ACKR2: variants seen among roughly 807,000 people sequenced by gnomAD.
The protein encoded by ACKR2 is atypical chemokine receptor 2.
For synonymous variants in ACKR2, 207 were observed against 192.2 expected (o/e 1.08, Z -0.64); for missense variants, 457 against 477.3 (o/e 0.96, Z 0.40).
intron 2 of ACKR2, among the ~76,000 whole-genome samples, chr3:42,845,705 C>T (rs1455297864): frequency 6.6e-6 from 1 of 151,858 alleles, no homozygotes; most frequent in Non-Finnish European, 1.5e-5. Context: ...AGAAATTGGT[C>T]AGGCATGGTG....
At position 42,865,394 on chromosome 3, in the gene ACKR2, G is replaced by A; in HGVS notation, c.892G>A (p.Glu298Lys). The change falls in exon 3 of 3, where the codon GAG becomes AAG. Residue 298 changes from glutamate to lysine, a missense_variant. Glu to Lys is a moderately conservative substitution (Grantham distance 56). Transcript: ENST00000422265. ...TCTAGACTACGCACTCCAGGTAACAGAGAGCATCGCCTTCCTTCACTGCTG... is the reference window on the plus strand; with the variant it reads ...TCTAGACTACGCACTCCAGGTAACAAAGAGCATCGCCTTCCTTCACTGCTG... ...QHLDYALQVT[E>K]SIAFLHCCFS... The A allele has an allele frequency of 6.2e-7, 1 of 1,613,508 alleles. No homozygotes were observed. Among genetic ancestry groups the A allele is most frequent in the South Asian group, 1.1e-5 (1 of 91,084 alleles).
chr3:42,854,023 A>G (rs183516198), intron 2 of ACKR2, among the ~76,000 whole-genome samples: 1 of 152,288 alleles, frequency 6.6e-6, no homozygotes, highest in East Asian at 1.9e-4. Context: ...GGACCTACAC[A>G]TGACCCTGTC....
At chr3:42,847,311 C>T (rs1249694433) in intron 2 of ACKR2, among the ~76,000 whole-genome samples, 1 of 152,106 alleles carries the variant, frequency 6.6e-6, no homozygotes, top group Non-Finnish European at 1.5e-5. Flanking sequence ...GTCTGAGTGG[C>T]CAGCGGGGGC....
chr3:42,835,016 G>A (rs532794175), intron 2 of ACKR2, among the ~76,000 whole-genome samples: 1 of 152,196 alleles, frequency 6.6e-6, no homozygotes, highest in Admixed American at 6.5e-5. Flanking sequence ...TTCCCGAGTA[G>A]CTGGAACTGC....
intron 2 of ACKR2, among the ~76,000 whole-genome samples, chr3:42,860,189 A>AAAAAACAAAAAAAAAC (rs376833790): frequency 2.7e-5 from 3 of 111,520 alleles, no homozygotes; most frequent in Admixed American, 1.3e-4. Context: ...AAAAAAAAAA[A>AAAAAACAAAAAAAAAC]GCAGGGGATG....
intron 2 of ACKR2, chr3:42,841,619 T>A (rs1255400449): frequency 6.6e-6 from 1 of 152,228 alleles, no homozygotes; most frequent in Non-Finnish European, 1.5e-5. Flanking sequence ...ATCACAGTGT[T>A]CAGCAGACAC....
Position 42,864,828 on chromosome 3 carries a change from A to G in ACKR2, c.326A>G (p.His109Arg), listed in dbSNP as rs1216589705. 3.7e-6 allele frequency: 6 copies of G among 1,614,104 alleles called. No homozygotes were observed. The highest frequency in any genetic ancestry group is 5.1e-6 in the Non-Finnish European group (6 of 1,180,020). ...TTCTGGGGCATCTCCGTGGCCTGGC[A>G]TTGGGTCTTCGGGAGTTTCTTGTGC... Reference protein sequence around the residue: ...LPFWGISVAWHWVFGSFLCKM... With the variant: ...LPFWGISVAWRWVFGSFLCKM... The change falls in exon 3 of 3, where the codon CAT (histidine) becomes CGT (arginine). Residue 109 changes from histidine to arginine, a missense_variant. Transcript: ENST00000422265.
At chr3:42,827,687 A>T (rs974751453) in intron 2 of ACKR2, among the ~76,000 whole-genome samples, 5 of 152,092 alleles carry the variant, frequency 3.3e-5, no homozygotes, top group Admixed American at 3.3e-4. Flanking sequence ...TTAAGACAAG[A>T]TTTGACCAAG....
At position 42,842,996 on chromosome 3, in the gene ACKR2, A is replaced by G. The variant is rs542082638; in HGVS notation, c.-37-21470A>G. On this transcript the variant is annotated intron_variant, in intron 2 of 2. Transcript: ENST00000422265. ...TAAGACTCTGTCTCCAAAAAAAAAA[A>G]AAAAAAAGAAAGAAATCAGTTAATG... Among the ~76,000 whole-genome samples, 765 of 151,292 alleles carry G rather than the reference A, an allele frequency of 5.1e-3. 14 individuals are homozygous for G. Among genetic ancestry groups the G allele is most frequent in the African/African-American group, 0.017 (703 of 41,296 alleles).
At chr3:42,861,759 A>G (rs1179638792) in intron 2 of ACKR2, among the ~76,000 whole-genome samples, 1 of 152,248 alleles carries the variant, frequency 6.6e-6, no homozygotes, top group Non-Finnish European at 1.5e-5. Flanking sequence ...ACCAATGACA[A>G]AAACCACATT....
intron 1 of ACKR2, among the ~76,000 whole-genome samples, chr3:42,814,729 C>A (rs1700731551): frequency 6.6e-6 from 1 of 152,200 alleles, no homozygotes. Flanking sequence ...CTTAAAGACT[C>A]AGTCCCTGCC....
rs1021772247 is a variant in ACKR2, at chr3:42,851,288, T to A, written c.-37-13178T>A. ...GGGGCAAGGGCAAAGGGATTTTTTT[T>A]ATTCCAGTTGAAAGCAGGATATACA... On this transcript the variant is annotated intron_variant, in intron 2 of 2. Coordinates refer to ENST00000422265, the MANE Select transcript of ACKR2 (RefSeq NM_001296.5). The A allele has an allele frequency of 1.1e-5, 10 of 902,196 alleles. No homozygotes were observed. In the South Asian group the frequency reaches 2.0e-4, roughly 18 times the overall value. 55.9% of individuals were successfully genotyped at this position (902,196 alleles called of 1,614,324 possible). A position where few individuals can be genotyped will look rare whatever the true frequency, so the allele number is the denominator to read the frequency against.
chr3:42,860,129 A>G (rs1290980457), intron 2 of ACKR2, among the ~76,000 whole-genome samples: 1 of 128,694 alleles, frequency 7.8e-6, no homozygotes, highest in Admixed American at 9.1e-5. Context: ...CTCAAAATAA[A>G]GGGATGGAGG....
At chr3:42,853,683 C>T (rs1370212483) in intron 2 of ACKR2, among the ~76,000 whole-genome samples, 1 of 152,152 alleles carries the variant, frequency 6.6e-6, no homozygotes, top group African/African-American at 2.4e-5. Flanking sequence ...TCTCTAACTT[C>T]CCTGTGTTTT....
chr3:42,811,244 A>G (rs765256936), intron 1 of ACKR2, among the ~76,000 whole-genome samples: 1 of 152,260 alleles, frequency 6.6e-6, no homozygotes, highest in Non-Finnish European at 1.5e-5. Context: ...AAAGGAAGAC[A>G]TAAGAAACTC....
chr3:42,862,765 TTCTC>T, intron 2 of ACKR2, among the ~76,000 whole-genome samples: 1 of 152,180 alleles, frequency 6.6e-6, no homozygotes, highest in South Asian at 2.1e-4. Flanking sequence ...GGGGAAAGGA[TTCTC>T]TATCTAATAA....
At chr3:42,830,520 G>C (rs544373121) in intron 2 of ACKR2, among the ~76,000 whole-genome samples, 1 of 152,124 alleles carries the variant, frequency 6.6e-6, no homozygotes, top group Non-Finnish European at 1.5e-5. Flanking sequence ...CCCCAAATTT[G>C]GCATATTGAA....
At chr3:42,850,803 G>T (rs1559691458) in intron 2 of ACKR2, among the ~76,000 whole-genome samples, 1 of 152,186 alleles carries the variant, frequency 6.6e-6, no homozygotes, top group Non-Finnish European at 1.5e-5. Context: ...TAAATAGGCA[G>T]CTAATCATAC....
rs201310570 is a variant in ACKR2 at position 42,865,200 on chromosome 3, T to C, written c.698T>C (p.Ile233Thr). The C allele has an allele frequency of 2.2e-4, 351 of 1,614,174 alleles. No individual in the cohort carries two copies. The highest frequency in any genetic ancestry group is 2.9e-4 in the Non-Finnish European group (337 of 1,180,036). Residue 233 changes from isoleucine (I) to threonine (T), a missense_variant, in exon 3 of 3, where the codon ATT (isoleucine) becomes ACT (threonine). Physicochemically the swap from Ile to Thr is moderately conservative, Grantham distance 89. Transcript: ENST00000422265. ...GCCATGATCTTCTTCTACTCCCGTA[T>C]TGGTTGTGTCTTGGTGAGGCTGAGG... Reference protein sequence around the residue: ...LLAMIFFYSRIGCVLVRLRPA... With the variant: ...LLAMIFFYSRTGCVLVRLRPA...
Sources: gnomAD v4.1 joint callset for allele counts (sites outside exome capture counted in the v4.1 genomes callset) on GRCh38, gnomAD v4.1.1 for gene constraint, MANE v1.5 for transcripts, NCBI Gene and HGNC (gene_info 2026-07-23, HGNC 2026-07-21) for gene names.